Variants in LRMDA observed in about 807,000 individuals in gnomAD.
LRMDA encodes leucine-rich melanocyte differentiation-associated protein.
A neutral mutation model predicts 29.8 loss-of-function variants in LRMDA; 18 were observed. The ratio of observed to expected loss-of-function variants is 0.60; its 90% CI spans 0.42 to 0.90. The LOEUF (loss-of-function observed/expected upper bound fraction) is 0.90. Among genes scored for constraint, LRMDA ranks in the 40% least tolerant of loss-of-function variants. The pLI is 0.00. For synonymous variants in LRMDA, 125 were observed against 109.4 expected (o/e 1.14, Z -0.89); for missense variants, 273 against 273.9 (o/e 1.00, Z 0.02).
intron 2 of LRMDA, among the ~76,000 whole-genome samples, chr10:75,816,276 C>T (rs773286547): frequency 1.4e-4 from 22 of 152,128 alleles, no homozygotes; most frequent in African/African-American, 5.3e-4. Context: ...GTGCATGAAG[C>T]GTCAGAGAGG....
intron 5 of LRMDA, among the ~76,000 whole-genome samples, chr10:76,238,938 T>C (rs1378446914): frequency 6.6e-6 from 1 of 152,082 alleles, no homozygotes; most frequent in African/African-American, 2.4e-5. Context: ...GTTCTCCTTA[T>C]TGATTTTGTA....
chr10:75,623,304 TCCCC>T (rs1410820407), intron 2 of LRMDA, among the ~76,000 whole-genome samples: 1 of 152,148 alleles, frequency 6.6e-6, no homozygotes, highest in East Asian at 1.9e-4. Flanking sequence ...TGGGCTCTGC[TCCCC>T]TCCCTTTCCT....
At chr10:76,039,827 A>G (rs1387015158) in intron 3 of LRMDA, among the ~76,000 whole-genome samples, 1 of 152,200 alleles carries the variant, frequency 6.6e-6, no homozygotes, top group Non-Finnish European at 1.5e-5. Context: ...GATTCTAGTA[A>G]CATAGTAAGT....
At chr10:75,611,078 G>A (rs1238521833) in intron 2 of LRMDA, among the ~76,000 whole-genome samples, 1 of 152,064 alleles carries the variant, frequency 6.6e-6, no homozygotes, top group Non-Finnish European at 1.5e-5. Flanking sequence ...AGCTGGTGGG[G>A]CACTCAGACA....
At chr10:75,679,776 C>T (rs1462561136) in intron 2 of LRMDA, among the ~76,000 whole-genome samples, 1 of 151,836 alleles carries the variant, frequency 6.6e-6, no homozygotes, top group Admixed American at 6.6e-5. Context: ...TCATTTTTTT[C>T]GAGGTCCAGG....
intron 6 of LRMDA, among the ~76,000 whole-genome samples, chr10:76,443,081 T>C (rs1842320061): frequency 6.6e-6 from 1 of 152,102 alleles, no homozygotes; most frequent in Non-Finnish European, 1.5e-5. Context: ...AGGAATAGGA[T>C]TGGGGTGCCT....
At chr10:75,774,193 T>C (rs552567409) in intron 2 of LRMDA, among the ~76,000 whole-genome samples, 1 of 152,312 alleles carries the variant, frequency 6.6e-6, no homozygotes, top group East Asian at 1.9e-4. Context: ...AAATAATTTA[T>C]CTCACACTTA....
At chr10:75,564,848 T>A (rs188894780) in intron 2 of LRMDA, among the ~76,000 whole-genome samples, 61 of 152,340 alleles carry the variant, frequency 4.0e-4, no homozygotes, top group South Asian at 2.3e-3. Context: ...GCTTCAAAGG[T>A]GATCTTTTTG....
rs1848391218 is a variant in LRMDA, at chr10:76,044,303, C to T, written c.259-2861C>T. 2.6e-5 allele frequency among the ~76,000 whole-genome samples: 4 copies of T among 152,172 alleles called. No homozygotes were observed. The South Asian group carries it at 8.3e-4, about 32-fold the overall frequency. The stretch of plus-strand genomic sequence containing the variant: ...CTAGGTCCAGGCCTGGGGTACTCTA[C>T]CTGAATGACACCATCCAGTCCTGGG... On this transcript the variant is annotated intron_variant, in intron 3 of 6. Transcript: ENST00000611255.
chr10:76,505,280 T>C (rs1842947533), intron 6 of LRMDA, among the ~76,000 whole-genome samples: 1 of 151,998 alleles, frequency 6.6e-6, no homozygotes, highest in South Asian at 2.1e-4. Context: ...GTAACTATGT[T>C]CCTTGGGGAT....
chr10:76,495,262 T>A (rs574505948), intron 6 of LRMDA, among the ~76,000 whole-genome samples: 2 of 152,052 alleles, frequency 1.3e-5, no homozygotes, highest in Admixed American at 6.6e-5. Context: ...CATAATTTAT[T>A]GTAAACTATC....
At chr10:75,810,476 G>A (rs1313135182) in intron 2 of LRMDA, among the ~76,000 whole-genome samples, 3 of 152,178 alleles carry the variant, frequency 2.0e-5, no homozygotes, top group Non-Finnish European at 4.4e-5. Flanking sequence ...TAGTGGAGCT[G>A]AAGGAACAAA....
chr10:75,913,380 C>A (rs1413299873), intron 2 of LRMDA, among the ~76,000 whole-genome samples: 2 of 152,132 alleles, frequency 1.3e-5, no homozygotes, highest in Non-Finnish European at 2.9e-5. Context: ...TCGCTTGAAC[C>A]AAGAGGCAGA....
intron 6 of LRMDA, among the ~76,000 whole-genome samples, chr10:76,462,969 A>G (rs1403853903): frequency 1.3e-5 from 2 of 152,224 alleles, no homozygotes; most frequent in African/African-American, 2.4e-5. Context: ...GCACAGAGCC[A>G]CAATGCATAA....
chr10:75,536,958 C>T (rs921498038), intron 2 of LRMDA, among the ~76,000 whole-genome samples: 1 of 151,962 alleles, frequency 6.6e-6, no homozygotes, highest in Admixed American at 6.6e-5. Context: ...CCCATACCAC[C>T]CATCGTATGC....
At chr10:75,647,244 A>G (rs1841533925) in intron 2 of LRMDA, among the ~76,000 whole-genome samples, 1 of 152,104 alleles carries the variant, frequency 6.6e-6, no homozygotes, top group Non-Finnish European at 1.5e-5. Flanking sequence ...TCTTGCAACC[A>G]TGTCCAATTT....
intron 2 of LRMDA, among the ~76,000 whole-genome samples, chr10:75,459,533 C>G (rs1589150139): frequency 6.6e-6 from 1 of 152,268 alleles, no homozygotes; most frequent in East Asian, 1.9e-4. Context: ...AGTGGTTTTT[C>G]AAAGTTATTT....
intron 2 of LRMDA, among the ~76,000 whole-genome samples, chr10:75,558,964 C>T (rs1840253990): frequency 6.7e-6 from 1 of 149,812 alleles, no homozygotes; most frequent in Admixed American, 6.7e-5. Flanking sequence ...CAAGTCTTTG[C>T]TATTGTGAAT....
At chr10:76,363,141 G>GA (rs1251761667) in intron 6 of LRMDA, among the ~76,000 whole-genome samples, 3 of 31,144 alleles carry the variant, frequency 9.6e-5, no homozygotes, top group African/African-American at 4.4e-4. Flanking sequence ...AAGAAAGAAA[G>GA]AAAGAAAGAA....
Sources: gnomAD v4.1 joint callset for allele counts (sites outside exome capture counted in the v4.1 genomes callset) on GRCh38, gnomAD v4.1.1 for gene constraint, MANE v1.5 for transcripts, NCBI Gene and HGNC (gene_info 2026-07-23, HGNC 2026-07-21) for gene names.